The following CILK1 variants were observed in gnomAD, a reference collection of about 807,000 sequenced individuals.
CILK1 encodes the protein serine/threonine-protein kinase ICK.
A neutral mutation model predicts 79.2 loss-of-function variants in CILK1; 47 were observed. That is an observed-to-expected ratio of 0.59 (90% confidence interval 0.47 to 0.76). The LOEUF (loss-of-function observed/expected upper bound fraction) is 0.76. Among genes scored for constraint, CILK1 ranks in the 30% least tolerant of loss-of-function variants. The pLI is 0.00. For missense variants in CILK1, 660 were observed against 769.5 expected (o/e 0.86, Z 1.68); for synonymous variants, 266 against 275.9 (o/e 0.96, Z 0.36).
chr6:53,024,693 A>G (rs1765458355), intron 5 of CILK1, among the ~76,000 whole-genome samples: 1 of 152,160 alleles, frequency 6.6e-6, no homozygotes, highest in Non-Finnish European at 1.5e-5. Flanking sequence ...GGCAAGCATC[A>G]TTTTCTTACT....
At chr6:53,020,313 A>G (rs1176113465) in intron 5 of CILK1, among the ~76,000 whole-genome samples, 2 of 152,130 alleles carry the variant, frequency 1.3e-5, no homozygotes, top group African/African-American at 4.8e-5. Context: ...GAAAACCCCA[A>G]ACCTCCCACT....
Position 53,003,057 on chromosome 6 carries a change from T to A in CILK1, c.*2092A>T, listed in dbSNP as rs1764017739. The A allele has an allele frequency of 6.5e-6, 1 of 152,688 alleles. No homozygotes were observed. The highest frequency in any genetic ancestry group is 2.4e-5 in the African/African-American group (1 of 41,468). The allele number at this position is 152,688 out of a possible 1,614,324, so 9.5% of individuals were successfully genotyped here. ...TATTAACCTTATAGTAAAGGACTCATCTCTGAAAACACATGTTCTGATGCT... is the reference window on the plus strand; with the variant it reads ...TATTAACCTTATAGTAAAGGACTCAACTCTGAAAACACATGTTCTGATGCT... On this transcript the variant is annotated 3_prime_UTR_variant, in exon 14 of 14. Coordinates refer to ENST00000676107, the MANE Select transcript of CILK1 (RefSeq NM_014920.5).
intron 11 of CILK1, 38 bp from the exon 12 acceptor site, chr6:53,009,605 C>G (rs1052332980): frequency 2.0e-6 from 3 of 1,532,972 alleles, no homozygotes; most frequent in Admixed American, 1.7e-5. Context: ...GCAAAATACA[C>G]AATGAATCTT....
intron 1 of CILK1, chr6:53,051,921 T>C (rs554757918): frequency 2.0e-5 from 3 of 152,366 alleles, no homozygotes; most frequent in Admixed American, 6.5e-5. Context: ...ATATAGAATG[T>C]ACTTATCTCT....
chr6:53,013,783 G>A lies in CILK1; in HGVS notation c.1031C>T (p.Pro344Leu). 6.2e-7 allele frequency: 1 copy of A among 1,614,148 alleles called. No homozygotes were observed. The highest frequency in any genetic ancestry group is 1.1e-5 in the South Asian group (1 of 91,072). The change falls in exon 9 of 14, where the codon CCT (proline) becomes CTT (leucine). Residue 344 changes from proline to leucine, a missense_variant. Coordinates refer to ENST00000676107, the MANE Select transcript of CILK1 (RefSeq NM_014920.5). ...SSRQHQASQP[P>L]LHLTYPYKAE... ...TTTGTAGGGGTACGTGAGATGCAGA[G>A]GGGGCTGGCTGGCTTGATGCTGTCG...
intron 1 of CILK1, 38 bp from the exon 2 acceptor site, chr6:53,041,446 A>G: frequency 3.7e-6 from 2 of 541,662 alleles, no homozygotes; most frequent in Non-Finnish European, 6.7e-6. Flanking sequence ...AAATGTTAAT[A>G]TACATTTTGA....
chr6:53,042,186 C>A (rs537743047), intron 1 of CILK1, among the ~76,000 whole-genome samples: 1 of 152,116 alleles, frequency 6.6e-6, no homozygotes, highest in Non-Finnish European at 1.5e-5. Flanking sequence ...GTTCACTAAC[C>A]CTTGGTCTAA....
rs181063755 is a variant in CILK1 at position 53,034,366 on chromosome 6, A to T, written c.157-1712T>A. ...AAGTCCCTAGTAGTTTAATATAAAA[A>T]GAATTAATTTTGTGTGGGGGACGTC... On this transcript the variant is annotated intron_variant, in intron 3 of 13. Coordinates refer to ENST00000676107, the MANE Select transcript of CILK1 (RefSeq NM_014920.5). 2.5e-3 allele frequency among the ~76,000 whole-genome samples: 385 copies of T among 152,318 alleles called. 6 individuals are homozygous for T. The highest frequency in any genetic ancestry group is 8.6e-3 in the African/African-American group (358 of 41,568).
At chr6:53,018,013 C>T (rs749880735) in intron 7 of CILK1, among the ~76,000 whole-genome samples, 3 of 152,114 alleles carry the variant, frequency 2.0e-5, no homozygotes, top group Middle Eastern at 3.4e-3. Flanking sequence ...AGGGAGGCAG[C>T]GGCTAAGGAT....
chr6:53,021,098 A>T (rs894991770), intron 5 of CILK1, among the ~76,000 whole-genome samples: 3 of 152,142 alleles, frequency 2.0e-5, no homozygotes, highest in Non-Finnish European at 2.9e-5. Context: ...AGGCGGGCGG[A>T]TCACTTGAAG....
intron 12 of CILK1, among the ~76,000 whole-genome samples, chr6:53,006,738 G>A (rs983690335): frequency 6.6e-6 from 1 of 152,184 alleles, no homozygotes; most frequent in Admixed American, 6.5e-5. Flanking sequence ...TTTTGTAAAA[G>A]TAGATTTAGA....
At chr6:53,027,959 A>G (rs950774132) in intron 5 of CILK1, among the ~76,000 whole-genome samples, 1 of 152,144 alleles carries the variant, frequency 6.6e-6, no homozygotes, top group Non-Finnish European at 1.5e-5. Flanking sequence ...CATCCTGGCT[A>G]ACATGGTGAA....
chr6:53,018,248 T>C, intron 7 of CILK1, 82 bp downstream of exon 7: 2 of 1,341,296 alleles, frequency 1.5e-6, no homozygotes, highest in South Asian at 1.2e-5. Flanking sequence ...TGCTCAATCA[T>C]GCCAGTGCTG....
chr6:53,020,608 T>C (rs1383274352), intron 5 of CILK1, among the ~76,000 whole-genome samples: 1 of 152,176 alleles, frequency 6.6e-6, no homozygotes, highest in South Asian at 2.1e-4. Flanking sequence ...TAAAATATAA[T>C]GTAAATATTC....
intron 5 of CILK1, among the ~76,000 whole-genome samples, chr6:53,027,657 A>G (rs534380740): frequency 6.6e-6 from 1 of 152,338 alleles, no homozygotes; most frequent in African/African-American, 2.4e-5. Context: ...ACTTAACCAA[A>G]GTCAATACCA....
chr6:53,042,632 AT>A (rs1287319931), intron 1 of CILK1, among the ~76,000 whole-genome samples: 1 of 152,230 alleles, frequency 6.6e-6, no homozygotes, highest in African/African-American at 2.4e-5. Flanking sequence ...TTGATTTTTC[AT>A]TTATATAATT....
chr6:53,055,763 C>T (rs1581776319), intron 1 of CILK1, among the ~76,000 whole-genome samples: 1 of 152,162 alleles, frequency 6.6e-6, no homozygotes, highest in African/African-American at 2.4e-5. Context: ...ACGCCTTGAA[C>T]CTTAAAAAAG....
At chr6:53,011,167 G>A (rs932031224) in intron 11 of CILK1, among the ~76,000 whole-genome samples, 52 of 152,086 alleles carry the variant, frequency 3.4e-4, no homozygotes, top group African/African-American at 1.2e-3. Flanking sequence ...TTCCCTATTG[G>A]CCATTTCCCC....
At chr6:53,053,280 A>G (rs550208046) in intron 1 of CILK1, among the ~76,000 whole-genome samples, 10 of 152,272 alleles carry the variant, frequency 6.6e-5, no homozygotes, top group East Asian at 1.9e-4. Flanking sequence ...TTACCTTGAG[A>G]ATTAGCATGT....
Sources: gnomAD v4.1 joint callset for allele counts (sites outside exome capture counted in the v4.1 genomes callset) on GRCh38, gnomAD v4.1.1 for gene constraint, MANE v1.5 for transcripts, NCBI Gene and HGNC (gene_info 2026-07-23, HGNC 2026-07-21) for gene names.